The following FAF2 variants were observed in gnomAD, a reference collection of about 807,000 sequenced individuals.
FAF2 encodes FAS-associated factor 2.
Under a neutral mutation model 62.3 loss-of-function variants are expected in FAF2, and 9 were observed. That is an observed-to-expected ratio of 0.14 (90% CI 0.09 to 0.25). The LOEUF is 0.25. Ranked by LOEUF, FAF2 falls within the 10% of genes least tolerant of loss-of-function variation. FAF2 has a pLI of 1.00. For synonymous variants in FAF2, 202 were observed against 198.0 expected (o/e 1.02, Z -0.17); for missense variants, 368 against 556.2 (o/e 0.66, Z 3.40).
intron 1 of FAF2, among the ~76,000 whole-genome samples, chr5:176,449,710 AG>A (rs1477008188): frequency 6.6e-6 from 1 of 152,238 alleles, no homozygotes; most frequent in Non-Finnish European, 1.5e-5. Context: ...ATAGACCTAA[AG>A]TTATTGATAC....
intron 1 of FAF2, among the ~76,000 whole-genome samples, chr5:176,465,238 A>C (rs923763889): frequency 2.6e-5 from 4 of 152,182 alleles, no homozygotes; most frequent in Non-Finnish European, 5.9e-5. Context: ...CCCTTTGTCC[A>C]TAGAGAAAAA....
At chr5:176,474,747 C>T (rs1393677497) in intron 1 of FAF2, among the ~76,000 whole-genome samples, 2 of 152,188 alleles carry the variant, frequency 1.3e-5, no homozygotes, top group Non-Finnish European at 2.9e-5. Context: ...CTTGAGCACC[C>T]AATCTAAAGG....
At chr5:176,489,088 C>A in intron 4 of FAF2, 61 bp downstream of exon 4, 1 of 1,299,218 alleles carries the variant, frequency 7.7e-7, no homozygotes, top group Non-Finnish European at 1.1e-6. Context: ...GAAATTTAGG[C>A]CAAAATAAGC....
chr5:176,456,537 G>A (rs1465176021), intron 1 of FAF2, among the ~76,000 whole-genome samples: 1 of 148,830 alleles, frequency 6.7e-6, no homozygotes, highest in Admixed American at 6.8e-5. Context: ...AATTAAAACA[G>A]CAATGAAACA....
chr5:176,466,210 T>A (rs1335187643), intron 1 of FAF2, among the ~76,000 whole-genome samples: 1 of 152,222 alleles, frequency 6.6e-6, no homozygotes, highest in Non-Finnish European at 1.5e-5. Flanking sequence ...ATCACTTAAT[T>A]TCCTGAACAG....
At chr5:176,475,171 G>C (rs1758666671) in intron 1 of FAF2, among the ~76,000 whole-genome samples, 1 of 152,142 alleles carries the variant, frequency 6.6e-6, no homozygotes, top group Admixed American at 6.6e-5. Context: ...AGGTCTCTCT[G>C]TTGCCCAAGT....
chr5:176,456,756 G>A (rs899169310), intron 1 of FAF2, among the ~76,000 whole-genome samples: 1 of 152,110 alleles, frequency 6.6e-6, no homozygotes, highest in Non-Finnish European at 1.5e-5. Context: ...CTTTTTCAGA[G>A]TTTTCCTGTT....
At chr5:176,488,457 C>G (rs1758913372) in intron 3 of FAF2, among the ~76,000 whole-genome samples, 2 of 152,088 alleles carry the variant, frequency 1.3e-5, no homozygotes, top group Admixed American at 1.3e-4. Flanking sequence ...GAATCTTGCT[C>G]TGCCCCCAGG....
intron 1 of FAF2, among the ~76,000 whole-genome samples, chr5:176,458,415 T>C (rs1246806117): frequency 8.0e-6 from 1 of 124,484 alleles, no homozygotes; most frequent in African/African-American, 3.3e-5. Flanking sequence ...TTCCTTTTTT[T>C]TTTTTTTTTT....
At chr5:176,484,976 G>A (rs949681197) in intron 2 of FAF2, among the ~76,000 whole-genome samples, 10 of 152,154 alleles carry the variant, frequency 6.6e-5, no homozygotes, top group Non-Finnish European at 1.0e-4. Context: ...GATCTAGCTT[G>A]TGTTTGTGAA....
At chr5:176,461,312 CTTTTTTT>C (rs60608969) in intron 1 of FAF2, among the ~76,000 whole-genome samples, 2 of 70,732 alleles carry the variant, frequency 2.8e-5, no homozygotes, top group African/African-American at 1.2e-4. Flanking sequence ...CTGTGCCCAG[CTTTTTTT>C]TTTTTTTTTT....
chr5:176,459,250 C>T (rs1022788809), intron 1 of FAF2, among the ~76,000 whole-genome samples: 20 of 116,424 alleles, frequency 1.7e-4, no homozygotes, highest in African/African-American at 5.7e-4. Context: ...TCCAGTTAAC[C>T]TTTTTTTTTT....
intron 2 of FAF2, 70 bp downstream of exon 2, chr5:176,479,326 T>G: frequency 4.8e-6 from 6 of 1,243,360 alleles, no homozygotes; most frequent in Non-Finnish European, 7.0e-6. Context: ...CCGTATGTTT[T>G]TCCATAGCAG....
chr5:176,453,920 G>A (rs531492404), intron 1 of FAF2, among the ~76,000 whole-genome samples: 9 of 151,652 alleles, frequency 5.9e-5, no homozygotes, highest in East Asian at 1.9e-4. Context: ...GCTGGGCGTC[G>A]TGTCAGGTGC....
At chr5:176,495,038 A>G (rs1246148083) in intron 7 of FAF2, among the ~76,000 whole-genome samples, 6 of 152,164 alleles carry the variant, frequency 3.9e-5, no homozygotes, top group Non-Finnish European at 5.9e-5. Context: ...GCCCTTGCAT[A>G]GTGAGTCAGT....
intron 9 of FAF2, 77 bp from the exon 10 acceptor site, chr5:176,499,926 G>T: frequency 2.0e-6 from 3 of 1,536,402 alleles, no homozygotes; most frequent in South Asian, 2.4e-5. Context: ...TTCTTCTGAC[G>T]ACTGCGTAAT....
chr5:176,454,048 T>TA lies in FAF2; in HGVS notation c.63+5591dup, dbSNP rs879370561. On this transcript the variant is annotated intron_variant, in intron 1 of 10. Coordinates refer to ENST00000261942, the MANE Select transcript of FAF2 (RefSeq NM_014613.3). The stretch of plus-strand genomic sequence containing the variant: ...TCCAGCCTGGGCAAGAGCGAGACTC[T>TA]AAAAAAAAAAAAATTGGAGATACTA... Among the ~76,000 whole-genome samples the TA allele has an allele frequency of 6.9e-3, 962 of 139,142 alleles. 4 individuals are homozygous for TA. Among genetic ancestry groups the TA allele is most frequent in the Non-Finnish European group, 7.7e-3 (493 of 63,964 alleles). The allele number at this position is 139,142 out of a possible 152,430, so 91.3% of individuals were successfully genotyped here. A position where few individuals can be genotyped will look rare whatever the true frequency, so the allele number is the denominator to read the frequency against.
At position 176,499,656 on chromosome 5, in the gene FAF2, A is replaced by G. The variant is rs560570962; in HGVS notation, c.1012-347A>G. 2.0e-5 allele frequency among the ~76,000 whole-genome samples: 3 copies of G among 151,440 alleles called. No homozygotes were observed. In the East Asian group the frequency reaches 5.8e-4, roughly 29 times the overall value. ...GAGACAGGGTCTCACTGTGTTGCCC[A>G]GGCTGGCGTGCAGTGGCTATTCACC... is the stretch of plus-strand genomic sequence containing the variant. On this transcript the variant is annotated intron_variant, in intron 9 of 10. Coordinates refer to ENST00000261942, the MANE Select transcript of FAF2 (RefSeq NM_014613.3).
At chr5:176,492,483 A>C in intron 5 of FAF2, 151 bp downstream of exon 5, 5 of 845,100 alleles carry the variant, frequency 5.9e-6, no homozygotes, top group Non-Finnish European at 8.6e-6. Flanking sequence ...AAAAAGACCA[A>C]ACCTTTTAGC....
Sources: gnomAD v4.1 joint callset for allele counts (sites outside exome capture counted in the v4.1 genomes callset) on GRCh38, gnomAD v4.1.1 for gene constraint, MANE v1.5 for transcripts, NCBI Gene and HGNC (gene_info 2026-07-23, HGNC 2026-07-21) for gene names.